PTPRD: variants seen among roughly 807,000 people sequenced by gnomAD.
The protein encoded by PTPRD is receptor-type tyrosine-protein phosphatase delta.
A neutral mutation model predicts 214.5 loss-of-function variants in PTPRD; 34 were observed. That is an observed-to-expected ratio of 0.16 (90% CI 0.12 to 0.21). The LOEUF (loss-of-function observed/expected upper bound fraction) is 0.21. Ranked by LOEUF, PTPRD falls within the 10% of genes least tolerant of loss-of-function variation. PTPRD has a pLI of 1.00. For synonymous variants in PTPRD, 1,128 were observed against 845.7 expected, an observed-to-expected ratio of 1.33 and a Z score of -5.79; for missense variants, 2,545 against 2,398.7, an observed-to-expected ratio of 1.06 and a Z score of -1.27.
In PTPRD at chr9:8,485,794, C is replaced by T. The variant is rs2135905296; in HGVS notation, c.3023G>A (p.Ser1008Asn). 2 of 1,613,702 alleles carry T rather than the reference C, an allele frequency of 1.2e-6. No individual in the cohort carries two copies. The highest frequency in any genetic ancestry group is 1.7e-6 in the Non-Finnish European group (2 of 1,179,958). ...TSKGPGPYSP[S>N]VQFRTLPVDQ... is the part of the protein sequence containing the mutation. ...CACAGGCAGTGTCCTGAACTGGACA[C>T]TGGGACTATATGGCCCGGGCCCTTT... The change falls in exon 28 of 46, where the codon AGT (serine) becomes AAT (asparagine). Residue 1008 changes from serine (S) to asparagine (N), a missense_variant. By Grantham distance (46) the Ser-to-Asn change is conservative (BLOSUM62 1). Transcript: ENST00000381196.
At chr9:9,792,148 T>G (rs1209125734) in intron 5 of PTPRD, among the ~76,000 whole-genome samples, 3 of 152,202 alleles carry the variant, frequency 2.0e-5, no homozygotes, top group Non-Finnish European at 4.4e-5. Context: ...ACTCTTTATT[T>G]TTTTCACAGC....
intron 5 of PTPRD, among the ~76,000 whole-genome samples, chr9:9,822,280 G>A (rs962456747): frequency 2.0e-5 from 3 of 151,396 alleles, no homozygotes; most frequent in South Asian, 2.1e-4. Flanking sequence ...GCATGGTGGT[G>A]CATGCCTGTA....
intron 12 of PTPRD, among the ~76,000 whole-genome samples, chr9:8,654,723 C>T (rs1047916219): frequency 6.6e-6 from 1 of 152,032 alleles, no homozygotes; most frequent in Non-Finnish European, 1.5e-5. Context: ...AGTGAAACAA[C>T]CAATAATTAT....
At chr9:9,253,617 G>C (rs1234702857) in intron 9 of PTPRD, among the ~76,000 whole-genome samples, 2 of 152,040 alleles carry the variant, frequency 1.3e-5, no homozygotes, top group Non-Finnish European at 2.9e-5. Context: ...TGGGTTTAGA[G>C]TCTGCTGGAG....
At chr9:9,729,343 G>C (rs538708940) in intron 7 of PTPRD, among the ~76,000 whole-genome samples, 1 of 152,020 alleles carries the variant, frequency 6.6e-6, no homozygotes, top group Non-Finnish European at 1.5e-5. Flanking sequence ...CCTTTGCAGA[G>C]GAAGAGAAAG....
At chr9:10,352,440 C>T (rs571663522) in intron 2 of PTPRD, among the ~76,000 whole-genome samples, 1 of 152,082 alleles carries the variant, frequency 6.6e-6, no homozygotes, top group Non-Finnish European at 1.5e-5. Context: ...TTGACTAAGG[C>T]TGAATTAACA....
chr9:9,892,399 A>T (rs1408808103), intron 5 of PTPRD, among the ~76,000 whole-genome samples: 2 of 152,224 alleles, frequency 1.3e-5, no homozygotes, highest in East Asian at 1.9e-4. Context: ...AAACCCTGAG[A>T]GTGTGTGCAC....
chr9:9,123,622 C>T (rs1332631080), intron 10 of PTPRD, among the ~76,000 whole-genome samples: 10 of 151,986 alleles, frequency 6.6e-5, no homozygotes, highest in African/African-American at 2.4e-4. Flanking sequence ...AAAAACTGAA[C>T]ATATTATATC....
At chr9:8,802,764 G>A (rs750774153) in intron 11 of PTPRD, among the ~76,000 whole-genome samples, 9 of 152,176 alleles carry the variant, frequency 5.9e-5, no homozygotes, top group South Asian at 2.1e-4. Flanking sequence ...CTTTAAAATG[G>A]AGATGGGCTA....
intron 5 of PTPRD, among the ~76,000 whole-genome samples, chr9:9,916,226 AAG>A (rs1241642021): frequency 1.3e-5 from 2 of 152,118 alleles, no homozygotes; most frequent in Non-Finnish European, 2.9e-5. Context: ...AGAAATGTTC[AAG>A]AGAATTGTAG....
chr9:9,831,111 G>A (rs2153603599), intron 5 of PTPRD, among the ~76,000 whole-genome samples: 1 of 151,982 alleles, frequency 6.6e-6, no homozygotes, highest in East Asian at 1.9e-4. Flanking sequence ...AAGCTTCAGG[G>A]TGTAGCACTG....
At chr9:8,854,576 G>A (rs565989609) in intron 11 of PTPRD, among the ~76,000 whole-genome samples, 4 of 152,206 alleles carry the variant, frequency 2.6e-5, no homozygotes, top group South Asian at 4.1e-4. Context: ...GAAAATCAAC[G>A]AAAGAACAGT....
intron 11 of PTPRD, among the ~76,000 whole-genome samples, chr9:8,953,679 T>C (rs893231335): frequency 3.3e-5 from 5 of 151,906 alleles, no homozygotes; most frequent in East Asian, 1.9e-4. Context: ...AGTGAAAATA[T>C]AGGCAAAAGA....
Position 9,968,851 on chromosome 9 carries a change from G to C in PTPRD, c.-471-30241C>G, listed in dbSNP as rs2094897755. On this transcript the variant is annotated intron_variant, in intron 4 of 45. Coordinates refer to ENST00000381196, the MANE Select transcript of PTPRD (RefSeq NM_002839.4). Reference sequence around the variant, plus strand: ...GAAAACTTAATGAAAAAGAACCAAAGACACAGAACTAAGGATGTGATAACT... The same window carrying C: ...GAAAACTTAATGAAAAAGAACCAAACACACAGAACTAAGGATGTGATAACT... Among the ~76,000 whole-genome samples the C allele has an allele frequency of 1.3e-5, 2 of 152,058 alleles. 1 individual carries two copies. Among genetic ancestry groups the C allele is most frequent in the South Asian group, 4.1e-4 (2 of 4,828 alleles).
chr9:8,368,521 C>A (rs2080586701), intron 39 of PTPRD, among the ~76,000 whole-genome samples: 1 of 152,034 alleles, frequency 6.6e-6, no homozygotes, highest in Non-Finnish European at 1.5e-5. Flanking sequence ...ATTGGCCTCA[C>A]CTCTCTTCCA....
chr9:10,351,003 A>G (rs1171302058), intron 2 of PTPRD, among the ~76,000 whole-genome samples: 1 of 152,130 alleles, frequency 6.6e-6, no homozygotes, highest in African/African-American at 2.4e-5. Context: ...TGAAGAAAGG[A>G]GCCAAAGGTC....
intron 32 of PTPRD, among the ~76,000 whole-genome samples, chr9:8,462,130 C>T (rs912265135): frequency 1.6e-4 from 24 of 152,022 alleles, no homozygotes; most frequent in African/African-American, 5.8e-4. Context: ...CTAGAGACCC[C>T]TACATATATG....
chr9:8,658,840 C>T (rs570411241), intron 12 of PTPRD, among the ~76,000 whole-genome samples: 43 of 152,040 alleles, frequency 2.8e-4, no homozygotes, highest in Middle Eastern at 6.8e-3. Flanking sequence ...TTCCTTGATA[C>T]GGAATCCCTG....
At chr9:8,756,467 T>C (rs1179251371) in intron 11 of PTPRD, among the ~76,000 whole-genome samples, 1 of 152,226 alleles carries the variant, frequency 6.6e-6, no homozygotes, top group Admixed American at 6.5e-5. Flanking sequence ...AGCAAATCCA[T>C]CTGCAATTTC....
Sources: gnomAD v4.1 joint callset for allele counts (sites outside exome capture counted in the v4.1 genomes callset) on GRCh38, gnomAD v4.1.1 for gene constraint, MANE v1.5 for transcripts, NCBI Gene and HGNC (gene_info 2026-07-23, HGNC 2026-07-21) for gene names.